The following ERBIN variants were observed in gnomAD, a reference collection of about 807,000 sequenced individuals.
ERBIN encodes the protein densin-180-like protein.
ERBIN carries 60 observed loss-of-function variants against 158.4 expected under a neutral mutation model. That is an observed-to-expected ratio of 0.38 (90% CI 0.31 to 0.47). ERBIN has a LOEUF of 0.47. ERBIN is among the 20% of genes least tolerant of loss of function. ERBIN has a pLI of 0.99. For missense variants in ERBIN, 1,610 were observed against 1,648.0 expected (o/e 0.98, Z 0.40); for synonymous variants, 594 against 557.2 (o/e 1.07, Z -0.93).
intron 4 of ERBIN, among the ~76,000 whole-genome samples, chr5:65,997,228 T>A (rs1262810370): frequency 6.6e-6 from 1 of 152,238 alleles, no homozygotes; most frequent in African/African-American, 2.4e-5. Context: ...TTAAGTATGA[T>A]GTGAGCTGTG....
intron 4 of ERBIN, among the ~76,000 whole-genome samples, chr5:65,997,153 G>C (rs1197269992): frequency 6.6e-6 from 1 of 152,206 alleles, no homozygotes. Flanking sequence ...TTGAAAAGAA[G>C]TGGCAGGAAT....
At chr5:66,037,582 T>C (rs1159542147) in intron 14 of ERBIN, among the ~76,000 whole-genome samples, 1 of 151,778 alleles carries the variant, frequency 6.6e-6, no homozygotes, top group Non-Finnish European at 1.5e-5. Flanking sequence ...TAAATGGGAG[T>C]AAGATTACAG....
intron 4 of ERBIN, among the ~76,000 whole-genome samples, chr5:65,998,417 C>T (rs1177296764): frequency 6.6e-6 from 1 of 151,582 alleles, no homozygotes; most frequent in Non-Finnish European, 1.5e-5. Context: ...TGGTTAGTGC[C>T]GTACTGACGT....
intron 4 of ERBIN, among the ~76,000 whole-genome samples, chr5:65,996,955 CTGATTTTTGTATGT>C (rs1232643651): frequency 2.0e-5 from 3 of 151,914 alleles, no homozygotes; most frequent in South Asian, 2.1e-4. Flanking sequence ...AAAAATGCTA[CTGATTTTTGTATGT>C]TGATTTTTGT....
intron 1 of ERBIN, among the ~76,000 whole-genome samples, chr5:65,936,559 A>G (rs988254579): frequency 6.6e-6 from 1 of 152,182 alleles, no homozygotes; most frequent in African/African-American, 2.4e-5. Context: ...TTCCCAAGCC[A>G]GGGACCCTAG....
chr5:65,948,770 T>TG (rs1554046014), intron 1 of ERBIN, among the ~76,000 whole-genome samples: 4 of 142,488 alleles, frequency 2.8e-5, no homozygotes, highest in African/African-American at 1.1e-4. Context: ...GCGTTTTTTT[T>TG]TTTTTTTTTT....
At position 66,078,562 on chromosome 5, in the gene ERBIN, C is replaced by A; in HGVS notation, c.*32C>A. 7.7e-7 allele frequency: 1 copy of A among 1,296,556 alleles called. No homozygotes were observed. The highest frequency in any genetic ancestry group is 1.1e-6 in the Non-Finnish European group (1 of 896,074). The allele number at this position is 1,296,556 out of a possible 1,614,324, so 80.3% of individuals were successfully genotyped here. A position where few individuals can be genotyped will look rare whatever the true frequency, so the allele number is the denominator to read the frequency against. On this transcript the variant is annotated 3_prime_UTR_variant, in exon 26 of 26. Coordinates refer to ENST00000284037, the MANE Select transcript of ERBIN (RefSeq NM_001253697.2). The stretch of plus-strand genomic sequence containing the variant: ...TGGACAAAAAAAGCGGGGAAGACAG[C>A]AAGATTTATTGGAAGATACTTACAG...
chr5:65,952,903 C>T (rs759836140), intron 1 of ERBIN, among the ~76,000 whole-genome samples: 1 of 152,170 alleles, frequency 6.6e-6, no homozygotes, highest in Non-Finnish European at 1.5e-5. Context: ...TGGAGTGTCA[C>T]ATACCGTACG....
chr5:65,969,947 G>A (rs1749065812), intron 1 of ERBIN, among the ~76,000 whole-genome samples: 1 of 152,078 alleles, frequency 6.6e-6, no homozygotes, highest in African/African-American at 2.4e-5. Context: ...ACTATTAATT[G>A]TTTTTTAATA....
Position 65,964,969 on chromosome 5 carries a change from TA to T in ERBIN, c.-57-23664del, listed in dbSNP as rs376615666. On this transcript the variant is annotated intron_variant, in intron 1 of 25. Transcript: ENST00000284037. Reference sequence around the variant, plus strand: ...GTAATTTTTTTTTTTTTTTTTTTTTTAAGTAGAGATGGGGTTTCACTATGTT... The same window carrying T: ...GTAATTTTTTTTTTTTTTTTTTTTTTAGTAGAGATGGGGTTTCACTATGTT... Among the ~76,000 whole-genome samples, 235 of 127,574 alleles carry T rather than the reference TA, an allele frequency of 1.8e-3. 31 individuals are homozygous for T. Among genetic ancestry groups the T allele is most frequent in the African/African-American group, 6.5e-3 (179 of 27,330 alleles). The allele number at this position is 127,574 out of a possible 152,430, so 83.7% of individuals were successfully genotyped here.
intron 14 of ERBIN, among the ~76,000 whole-genome samples, chr5:66,033,747 G>A (rs1182823862): frequency 6.6e-6 from 1 of 152,156 alleles, no homozygotes. Flanking sequence ...AGCAGGAAAA[G>A]CGCAGGGATC....
chr5:66,050,923 T>C lies in ERBIN; in HGVS notation c.2044T>C (p.Ser682Pro). 13 of 1,605,542 alleles carry C rather than the reference T, an allele frequency of 8.1e-6. No homozygotes were observed. The highest frequency in any genetic ancestry group is 1.1e-5 in the Non-Finnish European group (13 of 1,177,864). Residue 682 changes from serine to proline, a missense_variant, in exon 20 of 26, where the codon TCT becomes CCT. Around this residue, in one of 2 missense-constraint regions of ERBIN, gnomAD observed 1,014 missense variants for 936.1 expected, o/e 1.08. Coordinates refer to ENST00000284037, the MANE Select transcript of ERBIN (RefSeq NM_001253697.2). ...TAGTAGTCAAGACACCTCACTCTGC[T>C]CTCCAGTGAAACAAACTCATATTGA... ...TDSSQDTSLCSPVKQTHIDIN... is the reference protein window; with the variant it reads ...TDSSQDTSLCPPVKQTHIDIN...
intron 14 of ERBIN, among the ~76,000 whole-genome samples, chr5:66,033,923 A>T (rs192169981): frequency 6.6e-6 from 1 of 152,238 alleles, no homozygotes; most frequent in African/African-American, 2.4e-5. Context: ...AGCCTGACCA[A>T]TATGGGGAAA....
chr5:65,989,262 G>A (rs1027379648), intron 2 of ERBIN, among the ~76,000 whole-genome samples: 1 of 152,032 alleles, frequency 6.6e-6, no homozygotes, highest in African/African-American at 2.4e-5. Context: ...CTTCTCTTTC[G>A]TATGTTACTT....
intron 7 of ERBIN, among the ~76,000 whole-genome samples, chr5:66,017,970 C>G (rs1754971426): frequency 6.6e-6 from 1 of 151,928 alleles, no homozygotes; most frequent in Non-Finnish European, 1.5e-5. Flanking sequence ...TTCTTGGCGC[C>G]TTTTTCTAGG....
chr5:66,021,730 C>A (rs983120442), intron 8 of ERBIN, among the ~76,000 whole-genome samples: 37 of 152,152 alleles, frequency 2.4e-4, no homozygotes, highest in African/African-American at 8.9e-4. Flanking sequence ...GAGAGAGCTC[C>A]ATGGGGTATT....
At chr5:66,026,650 C>T (rs575377008) in intron 13 of ERBIN, among the ~76,000 whole-genome samples, 23 of 152,016 alleles carry the variant, frequency 1.5e-4, no homozygotes, top group African/African-American at 4.6e-4. Flanking sequence ...ATTTGAGAAC[C>T]TGCCATACAC....
intron 15 of ERBIN, among the ~76,000 whole-genome samples, chr5:66,041,592 C>G (rs761100582): frequency 6.6e-6 from 1 of 151,854 alleles, no homozygotes; most frequent in Non-Finnish European, 1.5e-5. Flanking sequence ...GTGTAAGTGA[C>G]GAGAATTTGA....
intron 1 of ERBIN, among the ~76,000 whole-genome samples, chr5:65,929,416 G>T (rs1743078268): frequency 6.6e-6 from 1 of 152,014 alleles, no homozygotes; most frequent in Non-Finnish European, 1.5e-5. Flanking sequence ...AGAGTATTTG[G>T]GATTATGCAG....
Sources: gnomAD v4.1 joint callset for allele counts (sites outside exome capture counted in the v4.1 genomes callset) on GRCh38, gnomAD v4.1.1 for gene constraint, gnomAD v4.1.1 regional missense constraint, MANE v1.5 for transcripts, NCBI Gene and HGNC (gene_info 2026-07-23, HGNC 2026-07-21) for gene names.